The following CCDC192 variants were observed in gnomAD, a reference collection of about 807,000 sequenced individuals.
CCDC192 encodes the protein coiled-coil domain containing 192.
In CCDC192 at chr5:127,941,218, C is replaced by T; in HGVS notation, c.572C>T (p.Pro191Leu). ...CTGGAAGGGTTCTGTGGAGGTCTCC[C>T]ACCTGTGGAAGAAGGTGATAGAAAA... ...SLLEGFCGGL[P>L]PVEEGDRKIS... Residue 191 changes from proline to leucine, a missense_variant, in exon 7 of 7, where the codon CCA becomes CTA. Transcript: ENST00000514853. 2.5e-6 allele frequency: 1 copy of T among 399,062 alleles called. No individual in the cohort carries two copies. The highest frequency in any genetic ancestry group is 2.1e-5 in the African/African-American group (1 of 48,764). 24.7% of individuals were successfully genotyped at this position (399,062 alleles called of 1,614,324 possible).
At chr5:127,816,230 A>G (rs1255608386) in intron 5 of CCDC192, among the ~76,000 whole-genome samples, 2 of 152,224 alleles carry the variant, frequency 1.3e-5, no homozygotes, top group African/African-American at 4.8e-5. Context: ...ATTAAACATT[A>G]CAAAGGGTTC....
intron 6 of CCDC192, among the ~76,000 whole-genome samples, chr5:127,931,086 G>C (rs1353185274): frequency 6.6e-6 from 1 of 152,168 alleles, no homozygotes; most frequent in Non-Finnish European, 1.5e-5. Context: ...AGGAGTGGGG[G>C]ATTCACTTCC....
intron 5 of CCDC192, among the ~76,000 whole-genome samples, chr5:127,822,491 G>C (rs552795803): frequency 1.3e-5 from 2 of 152,250 alleles, no homozygotes; most frequent in East Asian, 3.9e-4. Context: ...AAATAAACTT[G>C]TAAATATATG....
intron 6 of CCDC192, among the ~76,000 whole-genome samples, chr5:127,925,130 G>A (rs983051230): frequency 7.8e-6 from 1 of 127,736 alleles, no homozygotes; most frequent in Non-Finnish European, 1.5e-5. Context: ...TTGGATTTGA[G>A]TCTAACCTGA....
intron 3 of CCDC192, chr5:127,784,683 G>C: frequency 1.4e-6 from 1 of 699,876 alleles, no homozygotes; most frequent in Admixed American, 1.9e-5. Context: ...CAATTAGAAT[G>C]TCAATGCATT....
chr5:127,900,433 C>T (rs1407838875), intron 6 of CCDC192, among the ~76,000 whole-genome samples: 1 of 152,190 alleles, frequency 6.6e-6, no homozygotes, highest in Non-Finnish European at 1.5e-5. Flanking sequence ...GTGGCCAGTT[C>T]ACATTCCGAA....
chr5:127,871,928 A>G (rs1265980680), intron 5 of CCDC192, among the ~76,000 whole-genome samples: 1 of 152,246 alleles, frequency 6.6e-6, no homozygotes, highest in African/African-American at 2.4e-5. Context: ...ATCACCAAAG[A>G]GAGTTCCTAG....
At chr5:127,727,592 A>G (rs545930074) in intron 2 of CCDC192, among the ~76,000 whole-genome samples, 3 of 152,210 alleles carry the variant, frequency 2.0e-5, no homozygotes, top group Non-Finnish European at 4.4e-5. Context: ...TCAAAACTAC[A>G]TAAACTCATG....
intron 3 of CCDC192, among the ~76,000 whole-genome samples, chr5:127,792,513 A>G (rs1298890972): frequency 7.2e-6 from 1 of 139,420 alleles, no homozygotes; most frequent in Non-Finnish European, 1.5e-5. Flanking sequence ...CAACCAAACC[A>G]TATCACCATC....
intron 5 of CCDC192, among the ~76,000 whole-genome samples, chr5:127,800,400 A>AAAAAAAAAAAAAAAAAAAG (rs1554076204): frequency 1.3e-5 from 1 of 79,058 alleles, no homozygotes; most frequent in South Asian, 4.7e-4. Context: ...AAAAAAAAAA[A>AAAAAAAAAAAAAAAAAAAG]ACAACAACAA....
intron 5 of CCDC192, among the ~76,000 whole-genome samples, chr5:127,872,601 A>G (rs796192394): frequency 2.6e-5 from 4 of 152,208 alleles, no homozygotes; most frequent in East Asian, 3.9e-4. Context: ...TCCCTGCTTG[A>G]TCTTTCCCAG....
At chr5:127,927,887 T>C (rs1252314014) in intron 6 of CCDC192, among the ~76,000 whole-genome samples, 1 of 152,060 alleles carries the variant, frequency 6.6e-6, no homozygotes. Flanking sequence ...CTATGACAAA[T>C]TATAGTATAA....
intron 6 of CCDC192, among the ~76,000 whole-genome samples, chr5:127,907,916 A>G (rs1322893857): frequency 2.0e-5 from 3 of 152,358 alleles, no homozygotes; most frequent in Admixed American, 6.5e-5. Flanking sequence ...TATCTAGACC[A>G]AATAGAAATG....
At chr5:127,844,963 G>T (rs1240604321) in intron 5 of CCDC192, among the ~76,000 whole-genome samples, 1 of 152,124 alleles carries the variant, frequency 6.6e-6, no homozygotes, top group South Asian at 2.1e-4. Context: ...ACCAAAGGGC[G>T]CCACCCTTCT....
intron 5 of CCDC192, among the ~76,000 whole-genome samples, chr5:127,803,270 C>T (rs1757604312): frequency 6.6e-6 from 1 of 152,110 alleles, no homozygotes; most frequent in Non-Finnish European, 1.5e-5. Context: ...TAAATTCTCA[C>T]CCCATTAAAT....
At chr5:127,828,667 A>T (rs185976633) in intron 5 of CCDC192, among the ~76,000 whole-genome samples, 11 of 152,332 alleles carry the variant, frequency 7.2e-5, no homozygotes, top group Admixed American at 5.9e-4. Flanking sequence ...ATCTGGGAAT[A>T]GCCCCTAATT....
intron 3 of CCDC192, among the ~76,000 whole-genome samples, chr5:127,774,203 G>C (rs182456743): frequency 1.1e-4 from 16 of 151,960 alleles, no homozygotes; most frequent in Admixed American, 8.5e-4. Flanking sequence ...CTCACATCTC[G>C]TAAGTTGTCT....
chr5:127,845,660 A>T (rs1165088154), intron 5 of CCDC192, among the ~76,000 whole-genome samples: 1 of 152,224 alleles, frequency 6.6e-6, no homozygotes, highest in South Asian at 2.1e-4. Flanking sequence ...TTTTGTCATA[A>T]ATGAAGATTC....
At chr5:127,773,985 G>A (rs1391925893) in intron 3 of CCDC192, among the ~76,000 whole-genome samples, 1 of 152,170 alleles carries the variant, frequency 6.6e-6, no homozygotes, top group Admixed American at 6.5e-5. Context: ...TCTCGCTGTG[G>A]TTTTGATTTG....
Sources: gnomAD v4.1 joint callset for allele counts (sites outside exome capture counted in the v4.1 genomes callset) on GRCh38, gnomAD v4.1.1 for gene constraint, MANE v1.5 for transcripts, NCBI Gene and HGNC (gene_info 2026-07-23, HGNC 2026-07-21) for gene names.